Variants in NKAIN3 observed in about 807,000 individuals in gnomAD.
The protein encoded by NKAIN3 is sodium/potassium transporting ATPase interacting 3, also known as sodium/potassium-transporting ATPase subunit beta-1-interacting protein 3.
In NKAIN3, 25 loss-of-function variants were observed where a neutral mutation model predicts 30.2. The observed-to-expected ratio is 0.83, with a 90% CI of 0.60 to 1.16. The LOEUF (loss-of-function observed/expected upper bound fraction) is 1.16, where lower values mean the gene tolerates loss of function less well. Among genes scored for constraint, NKAIN3 ranks in the 50% most tolerant of loss-of-function variants. The pLI is 0.00. For missense variants in NKAIN3, 225 were observed against 254.1 expected (o/e 0.89, Z 0.78); for synonymous variants, 91 against 89.6 (o/e 1.02, Z -0.09).
At chr8:62,281,052 A>G (rs572007931) in intron 1 of NKAIN3, among the ~76,000 whole-genome samples, 1 of 152,150 alleles carries the variant, frequency 6.6e-6, no homozygotes, top group Non-Finnish European at 1.5e-5. Context: ...CAATTTGAGA[A>G]CCTGTTATTG....
intron 1 of NKAIN3, among the ~76,000 whole-genome samples, chr8:62,405,427 C>G (rs915717468): frequency 6.6e-6 from 1 of 152,220 alleles, no homozygotes; most frequent in Non-Finnish European, 1.5e-5. Flanking sequence ...GCTGCAAGAA[C>G]TCAGGTTCTG....
intron 1 of NKAIN3, among the ~76,000 whole-genome samples, chr8:62,374,607 A>G (rs1817017841): frequency 1.3e-5 from 2 of 152,230 alleles, no homozygotes; most frequent in African/African-American, 4.8e-5. Context: ...ACATTGATAC[A>G]GTCAATTCTC....
chr8:62,831,975 T>C (rs1384435201), intron 4 of NKAIN3, among the ~76,000 whole-genome samples: 1 of 151,680 alleles, frequency 6.6e-6, no homozygotes, highest in Non-Finnish European at 1.5e-5. Context: ...AAAAGAAATA[T>C]CAGACCATGT....
chr8:62,863,216 C>G (rs746704446), intron 4 of NKAIN3: 3 of 1,557,230 alleles, frequency 1.9e-6, no homozygotes, highest in South Asian at 2.2e-5. Context: ...AATAACTCAG[C>G]CTGCCTCTTC....
chr8:62,691,657 G>C (rs533542909), intron 3 of NKAIN3, among the ~76,000 whole-genome samples: 1 of 152,104 alleles, frequency 6.6e-6, no homozygotes, highest in Non-Finnish European at 1.5e-5. Flanking sequence ...TCTGGGTTCT[G>C]TCTTCCTCTG....
At position 62,660,628 on chromosome 8, in the gene NKAIN3, G is replaced by C. The variant is rs558818479; in HGVS notation, c.273+70834G>C. On this transcript the variant is annotated intron_variant, in intron 3 of 6. Coordinates refer to ENST00000623646, the MANE Select transcript of NKAIN3 (RefSeq NM_001304533.3). ...GACAGTACACCACTAAAGGCAAAAG[G>C]TGATAGGTTGTTCTTGATTCACAAA... 3.9e-4 allele frequency among the ~76,000 whole-genome samples: 60 copies of C among 152,300 alleles called. 1 individual carries two copies. The South Asian group carries it at 9.7e-3, about 25-fold the overall frequency.
rs1274921841 is a variant in NKAIN3, at chr8:62,983,456, A to C, written c.*18049A>C. ...CCCTCTTCTGTCTCCCTAAGCATTC[A>C]ACAAACACTTAGTGACCATCTGTCT... On this transcript the variant is annotated 3_prime_UTR_variant, in exon 7 of 7. Coordinates refer to ENST00000623646, the MANE Select transcript of NKAIN3 (RefSeq NM_001304533.3). 1 of 152,204 alleles carries C rather than the reference A, an allele frequency of 6.6e-6. No individual in the cohort carries two copies. The highest frequency in any genetic ancestry group is 1.5e-5 in the Non-Finnish European group (1 of 68,042). The allele number at this position is 152,204 out of a possible 1,614,324, so 9.4% of individuals were successfully genotyped here.
At chr8:62,896,202 T>C (rs1821423047) in intron 4 of NKAIN3, among the ~76,000 whole-genome samples, 1 of 152,042 alleles carries the variant, frequency 6.6e-6, no homozygotes, top group African/African-American at 2.4e-5. Context: ...CTTCTGTCTG[T>C]AACCTCACAT....
chr8:62,292,491 A>G (rs535560453), intron 1 of NKAIN3, among the ~76,000 whole-genome samples: 2 of 152,274 alleles, frequency 1.3e-5, no homozygotes, highest in South Asian at 4.1e-4. Context: ...TCCTTCACTT[A>G]TGAAGCTTAG....
chr8:62,500,424 G>GGAAAGAAA (rs372867878), intron 1 of NKAIN3, among the ~76,000 whole-genome samples: 1,697 of 103,696 alleles, frequency 0.016, 29 homozygotes, highest in East Asian at 0.03. Context: ...AAGGAAGAAA[G>GGAAAGAAA]GAAAGAAAGA....
rs1488183474 is a variant in NKAIN3 at position 62,982,156 on chromosome 8, C to T, written c.*16749C>T. 2 of 152,168 alleles carry T rather than the reference C, an allele frequency of 1.3e-5. No individual in the cohort carries two copies. The highest frequency in any genetic ancestry group is 4.8e-5 in the African/African-American group (2 of 41,438). The allele number at this position is 152,168 out of a possible 1,614,324, so 9.4% of individuals were successfully genotyped here. On this transcript the variant is annotated 3_prime_UTR_variant, in exon 7 of 7. Transcript: ENST00000623646. ...TGTATTGCTTTACAAAACAGCATTTCATTTGTATTATGATGATTTCAGACT... is the reference window on the plus strand; with the variant it reads ...TGTATTGCTTTACAAAACAGCATTTTATTTGTATTATGATGATTTCAGACT...
At chr8:62,589,179 T>C (rs1388124230) in intron 2 of NKAIN3, among the ~76,000 whole-genome samples, 3 of 151,882 alleles carry the variant, frequency 2.0e-5, no homozygotes, top group Non-Finnish European at 4.4e-5. Flanking sequence ...TAAAATATTT[T>C]ATATGGTTAT....
intron 1 of NKAIN3, among the ~76,000 whole-genome samples, chr8:62,375,084 A>C (rs1368769799): frequency 3.3e-5 from 5 of 152,236 alleles, no homozygotes; most frequent in Non-Finnish European, 1.5e-5. Flanking sequence ...TTTGAAACAA[A>C]TTGATTATTC....
At chr8:62,395,220 G>C (rs556288599) in intron 1 of NKAIN3, among the ~76,000 whole-genome samples, 1 of 144,036 alleles carries the variant, frequency 6.9e-6, no homozygotes, top group Non-Finnish European at 1.5e-5. Flanking sequence ...TTCCCAGACC[G>C]AGGGAGGTGC....
At chr8:62,894,864 C>A (rs1440533004) in intron 4 of NKAIN3, among the ~76,000 whole-genome samples, 2 of 152,070 alleles carry the variant, frequency 1.3e-5, no homozygotes, top group African/African-American at 4.8e-5. Context: ...CTCATGAGCA[C>A]AACATAATTG....
intron 3 of NKAIN3, among the ~76,000 whole-genome samples, chr8:62,596,333 C>T (rs988641422): frequency 6.6e-6 from 1 of 151,974 alleles, no homozygotes; most frequent in South Asian, 2.1e-4. Context: ...TCCTGCCTTG[C>T]AGCTCTTTTG....
At chr8:62,467,477 G>A (rs1245962929) in intron 1 of NKAIN3, among the ~76,000 whole-genome samples, 1 of 151,988 alleles carries the variant, frequency 6.6e-6, no homozygotes, top group Non-Finnish European at 1.5e-5. Context: ...AAAAATACTT[G>A]ACAAAAAATA....
chr8:62,616,715 C>T (rs535312638), intron 3 of NKAIN3, among the ~76,000 whole-genome samples: 2 of 152,154 alleles, frequency 1.3e-5, no homozygotes, highest in African/African-American at 4.8e-5. Context: ...CCTCCCACTT[C>T]AGGAGTGAGG....
intron 1 of NKAIN3, among the ~76,000 whole-genome samples, chr8:62,252,479 C>T (rs894522102): frequency 6.6e-6 from 1 of 152,256 alleles, no homozygotes; most frequent in African/African-American, 2.4e-5. Context: ...GGATGAGTTT[C>T]GGTTTGCAAA....
Sources: gnomAD v4.1 joint callset for allele counts (sites outside exome capture counted in the v4.1 genomes callset) on GRCh38, gnomAD v4.1.1 for gene constraint, MANE v1.5 for transcripts, NCBI Gene and HGNC (gene_info 2026-07-23, HGNC 2026-07-21) for gene names.